The following MYO18A variants were observed in gnomAD, a reference collection of about 807,000 sequenced individuals.
MYO18A encodes unconventional myosin-XVIIIa.
Under a neutral mutation model 235.8 loss-of-function variants are expected in MYO18A, and 78 were observed. The ratio of observed to expected loss-of-function variants is 0.33; its 90% CI spans 0.28 to 0.40. The LOEUF is 0.40. MYO18A is among the 10% of genes least tolerant of loss of function. MYO18A has a pLI of 1.00. For synonymous variants in MYO18A, 977 were observed against 1,077.8 expected, an observed-to-expected ratio of 0.91 and a Z score of 1.83; for missense variants, 2,215 against 2,699.3, an observed-to-expected ratio of 0.82 and a Z score of 3.98.
rs755892609 is a variant in MYO18A at position 29,109,890 on chromosome 17, C to T, written c.3299G>A (p.Arg1100His). 6.4e-6 allele frequency: 10 copies of T among 1,569,280 alleles called. No individual in the cohort carries two copies. Among genetic ancestry groups the T allele is most frequent in the Middle Eastern group, 1.7e-4 (1 of 5,834 alleles). ...GTACATGCGCATGGCATCGAGCAGGCGGGAGCCGCGGAGCTGGGTGCGGAG... is the reference window on the plus strand; with the variant it reads ...GTACATGCGCATGGCATCGAGCAGGTGGGAGCCGCGGAGCTGGGTGCGGAG... ...PLLRTQLRGS[R>H]LLDAMRMYRQ... The change falls in exon 19 of 42, where the codon CGC (arginine) becomes CAC (histidine). Residue 1100 changes from arginine (R) to histidine (H), a missense_variant. By Grantham distance (29) the Arg-to-His change is conservative. Transcript: ENST00000527372. This position sits in a 1 kb window ranked among gnomAD's most constrained non-coding sequence, Gnocchi z 4.1.
intron 1 of MYO18A, among the ~76,000 whole-genome samples, chr17:29,177,481 G>C (rs932060450): frequency 6.6e-6 from 1 of 152,064 alleles, no homozygotes; most frequent in South Asian, 2.1e-4. Flanking sequence ...GGCTCACCAG[G>C]TCTGCTCACC....
chr17:29,111,283 G>A lies in MYO18A; in HGVS notation c.2900+141C>T. The A allele has an allele frequency of 2.1e-6, 2 of 956,996 alleles. No individual in the cohort carries two copies. Among genetic ancestry groups the A allele is most frequent in the Non-Finnish European group, 3.1e-6 (2 of 646,254 alleles). The allele number at this position is 956,996 out of a possible 1,614,324, so 59.3% of individuals were successfully genotyped here. ...CCCCTCAAGCTCCTCAAGGCCAAGT[G>A]CCCTGGGCTGTTGCCTCTCAGGAAT... On this transcript the variant is annotated intron_variant, in intron 17 of 41. Coordinates refer to ENST00000527372, the MANE Select transcript of MYO18A (RefSeq NM_078471.4). The surrounding 1 kb of genome is among the most constrained non-coding windows in gnomAD (Gnocchi z 5.1).
chr17:29,139,223 CCAA>C (rs1464029162), intron 2 of MYO18A, among the ~76,000 whole-genome samples: 2 of 152,204 alleles, frequency 1.3e-5, no homozygotes, highest in Non-Finnish European at 2.9e-5. Context: ...GTTTCCTCCT[CCAA>C]CGACTGAACC....
At chr17:29,162,042 C>G (rs1202436661) in intron 2 of MYO18A, among the ~76,000 whole-genome samples, 2 of 152,172 alleles carry the variant, frequency 1.3e-5, no homozygotes, top group African/African-American at 4.8e-5. Flanking sequence ...CTCCCTCAGG[C>G]CCCTACCAGT....
Position 29,094,749 on chromosome 17 carries a change from C to T in MYO18A, c.4611G>A (p.Leu1537=), listed in dbSNP as rs2152768022. Reference sequence around the variant, plus strand: ...CCCGGAGCTGTTTCTTGACCTTGGCCAGAGAAGCCTCATCCTTGGACTCTT... The same window carrying T: ...CCCGGAGCTGTTTCTTGACCTTGGCTAGAGAAGCCTCATCCTTGGACTCTT... ...SSQESKDEAS[L]AKVKKQLRDL... The change falls in exon 30 of 42, where the codon CTG becomes CTA. Residue 1537 remains leucine (L), a synonymous_variant. Transcript: ENST00000527372. 1 of 1,614,048 alleles carries T rather than the reference C, an allele frequency of 6.2e-7. No homozygotes were observed. Among genetic ancestry groups the T allele is most frequent in the Non-Finnish European group, 8.5e-7 (1 of 1,179,904 alleles).
intron 2 of MYO18A, among the ~76,000 whole-genome samples, chr17:29,135,257 T>C (rs1027404152): frequency 1.3e-5 from 2 of 152,032 alleles, no homozygotes; most frequent in African/African-American, 4.8e-5. Flanking sequence ...TCCACCACCA[T>C]GCCCAGCTAA....
chr17:29,150,649 C>T (rs1665932340), intron 2 of MYO18A, among the ~76,000 whole-genome samples: 1 of 152,250 alleles, frequency 6.6e-6, no homozygotes, highest in South Asian at 2.1e-4. Context: ...ATGGTAGCTA[C>T]TAGCCATGAG....
intron 21 of MYO18A, among the ~76,000 whole-genome samples, chr17:29,102,106 A>G (rs1266223715): frequency 6.6e-6 from 1 of 152,110 alleles, no homozygotes; most frequent in Non-Finnish European, 1.5e-5. Context: ...GCAGGCACCC[A>G]ATGTTGACCC....
Position 29,106,032 on chromosome 17 carries a change from G to C in MYO18A, c.3441+1048C>G, listed in dbSNP as rs1000866207. On this transcript the variant is annotated intron_variant, in intron 20 of 41. Coordinates refer to ENST00000527372, the MANE Select transcript of MYO18A (RefSeq NM_078471.4). This position sits in a 1 kb window ranked among gnomAD's most constrained non-coding sequence, Gnocchi z 4.6. ...AAAGGAGACAATTCACAGAGAAATG[G>C]AGTGTGATCCAGAAAGAGAGGTTCT... Among the ~76,000 whole-genome samples, 1 of 152,212 alleles carries C rather than the reference G, an allele frequency of 6.6e-6. No individual in the cohort carries two copies. The highest frequency in any genetic ancestry group is 2.4e-5 in the African/African-American group (1 of 41,438).
intron 19 of MYO18A, 86 bp from the exon 20 acceptor site, chr17:29,107,275 G>T: frequency 7.7e-7 from 1 of 1,300,160 alleles, no homozygotes; most frequent in Non-Finnish European, 1.1e-6. Flanking sequence ...GCAGTCAGTG[G>T]AGAGTCACCA....
intron 40 of MYO18A, among the ~76,000 whole-genome samples, chr17:29,084,447 T>C (rs955052090): frequency 2.0e-5 from 3 of 152,196 alleles, no homozygotes; most frequent in African/African-American, 7.2e-5. Flanking sequence ...GATGTTCTTT[T>C]CCTTAAATAA....
rs764153810 is a variant in MYO18A, at chr17:29,111,787, G to A, written c.2675C>T (p.Ala892Val). Reference protein sequence around the residue: ...LLEEEALVPGASEDTLLERLF... With the variant: ...LLEEEALVPGVSEDTLLERLF... ...GCGCTCCAGGAGGGTGTCCTCACTG[G>A]CCCCTGGCACCAGAGCCTCCTCTTC... Residue 892 changes from alanine (A) to valine (V), a missense_variant, in exon 16 of 42, where the codon GCC becomes GTC. Transcript: ENST00000527372. This position sits in a 1 kb window ranked among gnomAD's most constrained non-coding sequence, Gnocchi z 5.1. 1.6e-5 allele frequency: 26 copies of A among 1,613,676 alleles called. No homozygotes were observed. The Admixed American group carries it at 4.3e-4, about 27-fold the overall frequency.
At chr17:29,136,250 A>AATATATAT (rs1247592713) in intron 2 of MYO18A, among the ~76,000 whole-genome samples, 41 of 82,446 alleles carry the variant, frequency 5.0e-4, no homozygotes, top group African/African-American at 1.6e-3. Flanking sequence ...AAAAAAAAAA[A>AATATATAT]ATATATATAT....
At position 29,109,048 on chromosome 17, in the gene MYO18A, G is replaced by C. The variant is rs1246916676; in HGVS notation, c.3331+810C>G. On this transcript the variant is annotated intron_variant, in intron 19 of 41. Transcript: ENST00000527372. This position sits in a 1 kb window ranked among gnomAD's most constrained non-coding sequence, Gnocchi z 4.1. ...GCTAAGGAAGTTTTAGTGCCCATGG[G>C]AATGCCTGAAGGGGACCTGGCTGTG... is the stretch of plus-strand genomic sequence containing the variant. Among the ~76,000 whole-genome samples the C allele has an allele frequency of 6.6e-6, 1 of 151,976 alleles. No individual in the cohort carries two copies. The highest frequency in any genetic ancestry group is 1.9e-4 in the East Asian group (1 of 5,162).
chr17:29,168,251 T>C (rs77135925), intron 1 of MYO18A, among the ~76,000 whole-genome samples: 8,829 of 152,032 alleles, frequency 0.058, 317 homozygotes, highest in Non-Finnish European at 0.086. Context: ...AACACCTAAA[T>C]ATAGCCCCAG....
At chr17:29,103,693 C>A in intron 20 of MYO18A, 29 bp from the exon 21 acceptor site, 1 of 1,611,054 alleles carries the variant, frequency 6.2e-7, no homozygotes, top group Non-Finnish European at 8.5e-7. Context: ...GTCAGGCAGC[C>A]CGCCTGGGCC....
intron 2 of MYO18A, chr17:29,128,249 C>T (rs2067373886): frequency 8.6e-7 from 1 of 1,167,958 alleles, no homozygotes; most frequent in Non-Finnish European, 1.1e-6. Context: ...TCCCCTCTTG[C>T]TTCGAGTCGG....
chr17:29,115,851 G>A lies in MYO18A; in HGVS notation c.2051-11C>T, dbSNP rs1382018911. On this transcript the variant is annotated splice_polypyrimidine_tract_variant and intron_variant, in intron 11 of 41. Transcript: ENST00000527372. ...ACTGCTTGCGCCCAGCTGTGGAGTG[G>A]AAAAAGGGATCTGGCATCCTGGGTC... 1.3e-6 allele frequency: 2 copies of A among 1,568,044 alleles called. No individual in the cohort carries two copies. Among genetic ancestry groups the A allele is most frequent in the Admixed American group, 3.8e-5 (2 of 51,956 alleles).
Position 29,098,391 on chromosome 17 carries a change from C to T in MYO18A, c.3835G>A (p.Glu1279Lys), listed in dbSNP as rs1159400066. The change falls in exon 24 of 42, where the codon GAG becomes AAG. Residue 1279 changes from glutamate to lysine, a missense_variant. Glu to Lys is a moderately conservative substitution (Grantham distance 56). Transcript: ENST00000527372. ...AGCCGGTCACTGTTGAGCCGCAGCT[C>T]GTTCCTCTCCTTCTCCGCCTTCTCG... ...KLEKAEKERNELRLNSDRLES... is the reference protein window; with the variant it reads ...KLEKAEKERNKLRLNSDRLES... The T allele has an allele frequency of 3.1e-6, 5 of 1,613,830 alleles. No homozygotes were observed. The highest frequency in any genetic ancestry group is 2.7e-5 in the African/African-American group (2 of 74,938).
Sources: gnomAD v4.1 joint callset for allele counts (sites outside exome capture counted in the v4.1 genomes callset) on GRCh38, gnomAD v4.1.1 for gene constraint, Gnocchi (gnomAD v3.1) non-coding constraint, MANE v1.5 for transcripts, NCBI Gene and HGNC (gene_info 2026-07-23, HGNC 2026-07-21) for gene names.